ATRNL1: variants seen among roughly 807,000 people sequenced by gnomAD.
The protein encoded by ATRNL1 is attractin like 1, also known as attractin-like protein 1.
A neutral mutation model predicts 182.7 loss-of-function variants in ATRNL1; 95 were observed. The ratio of observed to expected loss-of-function variants is 0.52; its 90% confidence interval spans 0.44 to 0.62. The LOEUF (loss-of-function observed/expected upper bound fraction) is 0.62. Ranked by LOEUF, ATRNL1 falls within the 20% of genes least tolerant of loss-of-function variation. ATRNL1 has a pLI of 0.00. For synonymous variants in ATRNL1, 576 were observed against 568.3 expected (o/e 1.01, Z -0.19); for missense variants, 1,471 against 1,679.5 (o/e 0.88, Z 2.17).
At chr10:115,154,888 C>T (rs529851916) in intron 5 of ATRNL1, among the ~76,000 whole-genome samples, 10 of 152,238 alleles carry the variant, frequency 6.6e-5, no homozygotes, top group South Asian at 2.1e-4. Flanking sequence ...GTCACCCCTA[C>T]GGCCCAAAGA....
At chr10:115,467,765 G>T (rs1233421228) in intron 23 of ATRNL1, among the ~76,000 whole-genome samples, 1 of 150,442 alleles carries the variant, frequency 6.6e-6, no homozygotes, top group Non-Finnish European at 1.5e-5. Context: ...TCATAATAAG[G>T]TTAATAAATT....
At chr10:115,938,572 A>G (rs1555123416) in intron 28 of ATRNL1, among the ~76,000 whole-genome samples, 2 of 152,220 alleles carry the variant, frequency 1.3e-5, no homozygotes, top group African/African-American at 4.8e-5. Flanking sequence ...ATTATTCACA[A>G]TAGTCAAGAT....
intron 27 of ATRNL1, among the ~76,000 whole-genome samples, chr10:115,778,918 A>C (rs182969497): frequency 3.9e-4 from 60 of 152,366 alleles, no homozygotes; most frequent in African/African-American, 1.4e-3. Flanking sequence ...CCAATTCAGT[A>C]TCAAGAGCAA....
chr10:115,883,180 T>A (rs1951866681), intron 28 of ATRNL1, among the ~76,000 whole-genome samples: 1 of 152,180 alleles, frequency 6.6e-6, no homozygotes, highest in Non-Finnish European at 1.5e-5. Context: ...ACAACATCCA[T>A]GCAAGAAACT....
intron 27 of ATRNL1, among the ~76,000 whole-genome samples, chr10:115,786,699 G>A (rs1949404854): frequency 6.6e-6 from 1 of 152,128 alleles, no homozygotes; most frequent in Non-Finnish European, 1.5e-5. Flanking sequence ...TTTTAAAGGG[G>A]ACACTATTCA....
chr10:115,394,612 T>A (rs782566256), intron 19 of ATRNL1, 47 bp from the exon 20 acceptor site: 1 of 1,345,990 alleles, frequency 7.4e-7, no homozygotes, highest in East Asian at 2.3e-5. Context: ...GAAATGTGCA[T>A]GTTTGTGATG....
intron 17 of ATRNL1, among the ~76,000 whole-genome samples, chr10:115,309,053 A>G (rs1312008818): frequency 6.6e-6 from 1 of 152,120 alleles, no homozygotes; most frequent in Non-Finnish European, 1.5e-5. Context: ...TTGCCAAAAA[A>G]TCAGTTGGTT....
Position 115,315,541 on chromosome 10 carries a change from A to G in ATRNL1, c.2842A>G (p.Thr948Ala). 6.2e-7 allele frequency: 1 copy of G among 1,611,584 alleles called. No homozygotes were observed. The highest frequency in any genetic ancestry group is 8.5e-7 in the Non-Finnish European group (1 of 1,178,340). Residue 948 changes from threonine to alanine, a missense_variant, in exon 18 of 29, where the codon ACC becomes GCC. This residue lies in a region of ATRNL1 where 1,031 missense variants were observed against 1,156.0 expected (regional missense o/e 0.89). Transcript: ENST00000355044. ...AGCTCAAAATTGTTCTGGATTGAGA[A>G]CCTGTGGACAGTGTTTGGAACAGCC... ...CSPQNCSGLR[T>A]CGQCLEQPGC... is the part of the protein sequence containing the mutation.
chr10:115,603,387 C>T (rs1327906435), intron 26 of ATRNL1, among the ~76,000 whole-genome samples: 2 of 152,064 alleles, frequency 1.3e-5, no homozygotes, highest in African/African-American at 2.4e-5. Flanking sequence ...TCCCATCAAT[C>T]AGGAAATTAT....
intron 28 of ATRNL1, among the ~76,000 whole-genome samples, chr10:115,875,259 G>A (rs892864278): frequency 6.6e-6 from 1 of 152,208 alleles, no homozygotes; most frequent in Non-Finnish European, 1.5e-5. Flanking sequence ...GTTGAATACA[G>A]TTGGCAGGCT....
At chr10:115,359,708 G>T (rs1198129734) in intron 19 of ATRNL1, among the ~76,000 whole-genome samples, 2 of 151,484 alleles carry the variant, frequency 1.3e-5, no homozygotes, top group Admixed American at 6.6e-5. Context: ...GGAAGAAAAT[G>T]CAATTTATGT....
chr10:115,629,892 G>A (rs1240135305), intron 26 of ATRNL1, among the ~76,000 whole-genome samples: 1 of 152,098 alleles, frequency 6.6e-6, no homozygotes, highest in East Asian at 1.9e-4. Context: ...TGAGTTGAAT[G>A]TTGACTTTTG....
Position 115,944,821 on chromosome 10 carries a change from C to T in ATRNL1, c.*42C>T, listed in dbSNP as rs377221361. On this transcript the variant is annotated 3_prime_UTR_variant, in exon 29 of 29. Transcript: ENST00000355044. ...CTGTATATTCTGTACTGTTTTACTT[C>T]GGGCTTCTGTTAAAGCTGTTCTATG... 76 of 1,584,758 alleles carry T rather than the reference C, an allele frequency of 4.8e-5. No individual in the cohort carries two copies. The East Asian group carries it at 7.0e-4, about 15-fold the overall frequency.
chr10:115,169,815 T>C (rs1554885115), intron 7 of ATRNL1, among the ~76,000 whole-genome samples: 1 of 152,150 alleles, frequency 6.6e-6, no homozygotes, highest in East Asian at 1.9e-4. Flanking sequence ...AAAATTTATT[T>C]AAACAATGTT....
intron 24 of ATRNL1, among the ~76,000 whole-genome samples, chr10:115,485,274 T>C (rs781940625): frequency 2.0e-5 from 3 of 152,008 alleles, no homozygotes; most frequent in Admixed American, 6.6e-5. Context: ...TGGTATTTTT[T>C]GTAGAGTAAT....
intron 9 of ATRNL1, among the ~76,000 whole-genome samples, chr10:115,227,879 C>A (rs1334873293): frequency 1.3e-5 from 2 of 152,032 alleles, no homozygotes; most frequent in Non-Finnish European, 2.9e-5. Context: ...ATATAAAGTT[C>A]AGCACCAGGA....
intron 17 of ATRNL1, among the ~76,000 whole-genome samples, chr10:115,308,866 T>C (rs1853869467): frequency 6.6e-6 from 1 of 152,184 alleles, no homozygotes; most frequent in Admixed American, 6.5e-5. Context: ...TGAGGTTTCT[T>C]CCAGAATTTT....
intron 15 of ATRNL1, among the ~76,000 whole-genome samples, chr10:115,292,594 A>G (rs1852972911): frequency 6.6e-6 from 1 of 151,772 alleles, no homozygotes; most frequent in Non-Finnish European, 1.5e-5. Flanking sequence ...TAATTTTTAA[A>G]TTTCATTCTT....
chr10:115,222,805 G>T (rs981330679), intron 9 of ATRNL1, among the ~76,000 whole-genome samples: 63 of 152,218 alleles, frequency 4.1e-4, no homozygotes, highest in African/African-American at 1.4e-3. Context: ...TACAATAAGT[G>T]CTATTGAAGT....
Sources: allele counts gnomAD v4.1 joint callset (sites outside exome capture counted in the v4.1 genomes callset), GRCh38; gene constraint gnomAD v4.1.1; regional missense constraint gnomAD v4.1.1; transcripts MANE v1.5; gene names NCBI Gene and HGNC (gene_info 2026-07-23, HGNC 2026-07-21).